Variants in ZFPM2 observed in about 807,000 individuals in gnomAD.
The protein encoded by ZFPM2 is zinc finger protein ZFPM2.
In ZFPM2, 20 loss-of-function variants were observed where a neutral mutation model predicts 98.6. The observed-to-expected ratio is 0.20, with a 90% confidence interval of 0.14 to 0.29. The LOEUF (loss-of-function observed/expected upper bound fraction) is 0.29, where lower values mean the gene tolerates loss of function less well. Among genes scored for constraint, ZFPM2 ranks in the 10% least tolerant of loss-of-function variants. The pLI, the probability that ZFPM2 is intolerant of heterozygous loss-of-function variation, is 1.00. For missense variants in ZFPM2, 1,310 were observed against 1,388.6 expected (o/e 0.94, Z 0.90); for synonymous variants, 518 against 502.7 (o/e 1.03, Z -0.41).
chr8:105,779,318 G>A (rs919409537), intron 5 of ZFPM2, among the ~76,000 whole-genome samples: 5 of 152,154 alleles, frequency 3.3e-5, no homozygotes, highest in African/African-American at 4.8e-5. Flanking sequence ...TCCATATCTT[G>A]ATGAGCCCCC....
At chr8:105,419,089 A>G in intron 1 of ZFPM2, 55 bp from the exon 2 acceptor site, 1 of 1,563,802 alleles carries the variant, frequency 6.4e-7, no homozygotes, top group Non-Finnish European at 8.7e-7. Context: ...TAAGGATTTT[A>G]TTTCACTGTC....
intron 1 of ZFPM2, among the ~76,000 whole-genome samples, chr8:105,323,704 TA>T (rs1412697450): frequency 6.6e-6 from 1 of 151,926 alleles, no homozygotes; most frequent in African/African-American, 2.4e-5. Context: ...TTTTGGTTTT[TA>T]AGAGTTAAAG....
intron 1 of ZFPM2, among the ~76,000 whole-genome samples, chr8:105,329,120 C>G (rs1240099357): frequency 6.6e-6 from 1 of 151,822 alleles, no homozygotes; most frequent in Admixed American, 6.6e-5. Flanking sequence ...AACAGAGAAA[C>G]GAAGAGAGCG....
At chr8:105,619,491 A>G (rs1261931833) in intron 4 of ZFPM2, among the ~76,000 whole-genome samples, 1 of 152,044 alleles carries the variant, frequency 6.6e-6, no homozygotes, top group African/African-American at 2.4e-5. Context: ...TAATGAATAT[A>G]CTTAATTTAT....
intron 4 of ZFPM2, among the ~76,000 whole-genome samples, chr8:105,568,838 T>C (rs1815296055): frequency 6.6e-6 from 1 of 152,044 alleles, no homozygotes; most frequent in African/African-American, 2.4e-5. Flanking sequence ...CAGGTGATGC[T>C]CACCTCCCCA....
chr8:105,673,203 T>TTC (rs1817628186), intron 5 of ZFPM2, among the ~76,000 whole-genome samples: 2 of 149,558 alleles, frequency 1.3e-5, no homozygotes, highest in Non-Finnish European at 1.5e-5. Flanking sequence ...TTTTTTTTTT[T>TTC]TTTTACCGAT....
chr8:105,574,450 C>T (rs540625093), intron 4 of ZFPM2, among the ~76,000 whole-genome samples: 1 of 152,254 alleles, frequency 6.6e-6, no homozygotes, highest in East Asian at 1.9e-4. Flanking sequence ...TTGGGGATTT[C>T]AGACAATTGG....
At chr8:105,446,641 T>G (rs1472096983) in intron 3 of ZFPM2, among the ~76,000 whole-genome samples, 1 of 152,172 alleles carries the variant, frequency 6.6e-6, no homozygotes, top group African/African-American at 2.4e-5. Context: ...TTTTTATTTA[T>G]TTGCTGTTGG....
intron 1 of ZFPM2, among the ~76,000 whole-genome samples, chr8:105,360,742 C>G (rs1420144270): frequency 1.4e-5 from 2 of 145,128 alleles, no homozygotes; most frequent in Non-Finnish European, 3.0e-5. Flanking sequence ...TTTGTTCTTG[C>G]GATAGTTTAC....
intron 2 of ZFPM2, among the ~76,000 whole-genome samples, chr8:105,434,575 A>G (rs1417509351): frequency 6.6e-6 from 1 of 152,190 alleles, no homozygotes; most frequent in Admixed American, 6.5e-5. Context: ...TATCCTAACT[A>G]TAGGAAGCAC....
At chr8:105,757,694 T>C (rs1449609321) in intron 5 of ZFPM2, among the ~76,000 whole-genome samples, 1 of 152,162 alleles carries the variant, frequency 6.6e-6, no homozygotes, top group African/African-American at 2.4e-5. Flanking sequence ...TCTGGAATGG[T>C]ATTGTGTGGA....
At chr8:105,418,827 A>C in intron 1 of ZFPM2, 9 of 534,414 alleles carry the variant, frequency 1.7e-5, no homozygotes, top group East Asian at 9.5e-5. Context: ...AATGAACATA[A>C]AGTGCACAGT....
At chr8:105,489,468 T>A (rs71522738) in intron 3 of ZFPM2, among the ~76,000 whole-genome samples, 12,837 of 51,436 alleles carry the variant, frequency 0.25, 543 homozygotes, top group Middle Eastern at 0.34. Flanking sequence ...ATATATATAT[T>A]TTTTTTTTTT....
At chr8:105,735,571 T>A (rs2131022430) in intron 5 of ZFPM2, among the ~76,000 whole-genome samples, 1 of 152,102 alleles carries the variant, frequency 6.6e-6, no homozygotes, top group East Asian at 1.9e-4. Context: ...TAAAATATTG[T>A]GATTTTAAAA....
chr8:105,454,574 C>T (rs1011596191), intron 3 of ZFPM2, among the ~76,000 whole-genome samples: 1 of 152,100 alleles, frequency 6.6e-6, no homozygotes, highest in Non-Finnish European at 1.5e-5. Flanking sequence ...CAGCCTGATC[C>T]GATGTTTGTG....
intron 5 of ZFPM2, among the ~76,000 whole-genome samples, chr8:105,694,366 A>G (rs1440187496): frequency 6.6e-6 from 1 of 152,154 alleles, no homozygotes. Context: ...TAAGAAATGC[A>G]TAAGTAAAAA....
intron 3 of ZFPM2, among the ~76,000 whole-genome samples, chr8:105,532,096 T>G (rs959729024): frequency 3.3e-5 from 5 of 151,956 alleles, no homozygotes; most frequent in African/African-American, 1.2e-4. Flanking sequence ...GAGACAGGGT[T>G]TAGCCATGTT....
intron 1 of ZFPM2, among the ~76,000 whole-genome samples, chr8:105,349,169 T>G (rs1278358201): frequency 2.0e-5 from 3 of 151,934 alleles, no homozygotes; most frequent in Non-Finnish European, 4.4e-5. Context: ...TTCTGGATTT[T>G]TTTAAGGCCA....
chr8:105,658,232 A>G (rs1250967103), intron 5 of ZFPM2, among the ~76,000 whole-genome samples: 1 of 152,144 alleles, frequency 6.6e-6, no homozygotes, highest in Non-Finnish European at 1.5e-5. Context: ...ACACAAGTCA[A>G]AATCCTTTGC....
Sources: gnomAD v4.1 joint callset for allele counts (sites outside exome capture counted in the v4.1 genomes callset) on GRCh38, gnomAD v4.1.1 for gene constraint, MANE v1.5 for transcripts, NCBI Gene and HGNC (gene_info 2026-07-23, HGNC 2026-07-21) for gene names.